Variants in PDE10A observed in about 807,000 individuals in gnomAD.
PDE10A encodes the protein phosphodiesterase 10A, also known as cAMP and cAMP-inhibited cGMP 3',5'-cyclic phosphodiesterase 10A.
A neutral mutation model predicts 97.7 loss-of-function variants in PDE10A; 39 were observed. The ratio of observed to expected loss-of-function variants is 0.40; its 90% CI spans 0.31 to 0.52. The LOEUF is 0.52. Ranked by LOEUF, PDE10A falls within the 20% of genes least tolerant of loss-of-function variation. The pLI is 0.56. For missense variants in PDE10A, 731 were observed against 1,047.8 expected (o/e 0.70, Z 4.17); for synonymous variants, 371 against 376.8 (o/e 0.98, Z 0.18).
chr6:165,699,612 T>A (rs955438906), intron 1 of PDE10A, among the ~76,000 whole-genome samples: 2 of 152,022 alleles, frequency 1.3e-5, no homozygotes, highest in Non-Finnish European at 2.9e-5. Context: ...CCCAATAAAT[T>A]TAAAAGGAGC....
chr6:165,374,174 T>C (rs1190118665), intron 18 of PDE10A, among the ~76,000 whole-genome samples: 1 of 151,376 alleles, frequency 6.6e-6, no homozygotes, highest in Non-Finnish European at 1.5e-5. Flanking sequence ...GGCACATGTA[T>C]ACATATGTAA....
intron 18 of PDE10A, among the ~76,000 whole-genome samples, chr6:165,375,375 CACA>C (rs1784551114): frequency 6.6e-6 from 1 of 152,170 alleles, no homozygotes; most frequent in African/African-American, 2.4e-5. Context: ...TCAAACCAGC[CACA>C]ACATTCCCTT....
chr6:165,945,007 T>C (rs750866380), intron 1 of PDE10A, among the ~76,000 whole-genome samples: 5 of 152,202 alleles, frequency 3.3e-5, no homozygotes, highest in Non-Finnish European at 5.9e-5. Context: ...GTGGCCCCTG[T>C]GACCCCCATC....
intron 1 of PDE10A, among the ~76,000 whole-genome samples, chr6:165,897,625 C>T (rs931287380): frequency 2.6e-5 from 4 of 151,582 alleles, no homozygotes; most frequent in African/African-American, 7.3e-5. Flanking sequence ...GGACCAGACC[C>T]GCCCCCCAGC....
At chr6:165,660,211 C>T (rs1212407095) in intron 1 of PDE10A, 2 of 152,820 alleles carry the variant, frequency 1.3e-5, no homozygotes, top group Non-Finnish European at 2.9e-5. Context: ...CCTCTACCAC[C>T]TTCAATGCAT....
At position 165,984,714 on chromosome 6, in the gene PDE10A, C is replaced by CAA. The variant is rs1327526316; in HGVS notation, c.-615+2814_-615+2815insTT. Among the ~76,000 whole-genome samples the CAA allele has an allele frequency of 2.7e-5, 4 of 148,798 alleles. No homozygotes were observed. In the East Asian group the frequency reaches 7.9e-4, roughly 30 times the overall value. ...TCTTACCAAATGCCATTTTTTTTTT[C>CAA]AGTAAAAGTAACTTAAGAAATGCCC... On this transcript the variant is annotated intron_variant, in intron 1 of 19. Transcript: ENST00000366882.
chr6:165,365,488 G>T (rs1359889587), intron 18 of PDE10A, among the ~76,000 whole-genome samples: 1 of 152,154 alleles, frequency 6.6e-6, no homozygotes, highest in Non-Finnish European at 1.5e-5. Flanking sequence ...TTGAGCCCTG[G>T]AGTTCAAGAC....
intron 1 of PDE10A, among the ~76,000 whole-genome samples, chr6:165,801,635 G>A (rs1427469622): frequency 1.3e-5 from 2 of 152,216 alleles, no homozygotes; most frequent in Non-Finnish European, 2.9e-5. Flanking sequence ...TCAAGTCAAA[G>A]ATCCAAGCAA....
intron 1 of PDE10A, among the ~76,000 whole-genome samples, chr6:165,796,164 C>T (rs1423489636): frequency 7.3e-6 from 1 of 136,952 alleles, no homozygotes; most frequent in Non-Finnish European, 1.5e-5. Flanking sequence ...GCCGCAATCT[C>T]GGCTCACTGC....
chr6:165,661,921 C>T lies in PDE10A; in HGVS notation c.865+26G>A, dbSNP rs937539236. On this transcript the variant is annotated intron_variant, in intron 1 of 21. Transcript: ENST00000539869. This position sits in a 1 kb window ranked among gnomAD's most constrained non-coding sequence, Gnocchi z 4.8. ...AGGGGATGAGGAGCCGCCCCACCTC[C>T]GGGGAACGGGGAGCAGGCCACTTAC... 17 of 861,286 alleles carry T rather than the reference C, an allele frequency of 2.0e-5. No homozygotes were observed. Among genetic ancestry groups the T allele is most frequent in the Non-Finnish European group, 3.2e-5 (17 of 526,350 alleles). 53.4% of individuals were successfully genotyped at this position (861,286 alleles called of 1,614,324 possible).
chr6:165,430,118 G>A (rs954076026), intron 9 of PDE10A, among the ~76,000 whole-genome samples, 169 bp downstream of exon 9: 9 of 152,038 alleles, frequency 5.9e-5, no homozygotes, highest in Non-Finnish European at 8.8e-5. Flanking sequence ...GAACGTGAAT[G>A]AGAATATAAC....
chr6:165,884,381 T>A (rs1781573407), intron 1 of PDE10A, among the ~76,000 whole-genome samples: 1 of 152,156 alleles, frequency 6.6e-6, no homozygotes, highest in African/African-American at 2.4e-5. Flanking sequence ...AGTTACTACT[T>A]AAAGAACCAC....
chr6:165,889,655 C>T (rs988194102), intron 1 of PDE10A, among the ~76,000 whole-genome samples: 1 of 152,120 alleles, frequency 6.6e-6, no homozygotes, highest in African/African-American at 2.4e-5. Context: ...AAAAAAATAC[C>T]AATCTCAGAA....
Position 165,820,914 on chromosome 6 carries a change from C to T in PDE10A, c.-615+166615G>A, listed in dbSNP as rs62427309. Among the ~76,000 whole-genome samples the T allele has an allele frequency of 5.5e-3, 844 of 152,290 alleles. 8 individuals are homozygous for T. The highest frequency in any genetic ancestry group is 9.2e-3 in the Non-Finnish European group (623 of 68,034). On this transcript the variant is annotated intron_variant, in intron 1 of 19. Transcript: ENST00000366882. ...CATATTTGAAGAGATAGTAAGTGCT[C>T]AATAAATACTTGAAGGAGCAAGTGA...
chr6:165,740,992 T>A (rs190275092), intron 1 of PDE10A, among the ~76,000 whole-genome samples: 1 of 152,128 alleles, frequency 6.6e-6, no homozygotes, highest in Non-Finnish European at 1.5e-5. Context: ...ATATCAATAA[T>A]ACTAATAATT....
rs769641567 is a variant in PDE10A, at chr6:165,794,472, G to A, written c.-615+193057C>T. ...CACACTCACATGCCCATGCATGCAC[G>A]CACACACTCATTACACACACTACAC... is the stretch of plus-strand genomic sequence containing the variant. On this transcript the variant is annotated intron_variant, in intron 1 of 19. Coordinates refer to the PDE10A transcript ENST00000366882. Among the ~76,000 whole-genome samples, 16 of 149,842 alleles carry A rather than the reference G, an allele frequency of 1.1e-4. 1 individual carries two copies. Among genetic ancestry groups the A allele is most frequent in the African/African-American group, 2.0e-4 (8 of 40,556 alleles).
At chr6:165,463,342 G>C (rs1778437907) in intron 3 of PDE10A, among the ~76,000 whole-genome samples, 1 of 152,168 alleles carries the variant, frequency 6.6e-6, no homozygotes, top group African/African-American at 2.4e-5. Flanking sequence ...GAATAAAAAA[G>C]CTTCTAGAAG....
At chr6:165,754,533 G>T (rs1583041005) in intron 1 of PDE10A, among the ~76,000 whole-genome samples, 1 of 152,204 alleles carries the variant, frequency 6.6e-6, no homozygotes, top group Non-Finnish European at 1.5e-5. Context: ...TACTATAATA[G>T]TTCTAGAGAT....
intron 1 of PDE10A, among the ~76,000 whole-genome samples, chr6:165,658,488 C>T (rs1367721245): frequency 6.6e-6 from 1 of 152,128 alleles, no homozygotes; most frequent in Non-Finnish European, 1.5e-5. Flanking sequence ...GAAACACAAA[C>T]AGAGAGAGGT....
Sources: allele counts gnomAD v4.1 joint callset (sites outside exome capture counted in the v4.1 genomes callset), GRCh38; gene constraint gnomAD v4.1.1; non-coding constraint Gnocchi (gnomAD v3.1); transcripts MANE v1.5; gene names NCBI Gene and HGNC (gene_info 2026-07-23, HGNC 2026-07-21).